MAP3K15: variants seen among roughly 807,000 people sequenced by gnomAD.
MAP3K15 encodes the protein mitogen-activated protein kinase kinase kinase 15, also known as MAPK/ERK kinase kinase 15.
A neutral mutation model predicts 99.5 loss-of-function variants in MAP3K15; 124 were observed. That is an observed-to-expected ratio of 1.25 (90% CI 1.08 to 1.45). The LOEUF is 1.45. Among genes scored for constraint, MAP3K15 ranks in the 40% most tolerant of loss-of-function variants. The probability of loss-of-function intolerance (pLI) is 0.00; values close to 1 mark genes in which losing one functional copy is unlikely to be tolerated. For missense variants in MAP3K15, 1,242 were observed against 1,079.7 expected, an observed-to-expected ratio of 1.15 and a Z score of -2.11; for synonymous variants, 494 against 439.6, an observed-to-expected ratio of 1.12 and a Z score of -1.55.
At chrX:19,429,788 G>GGAAGC (rs1323484753) in intron 7 of MAP3K15, among the ~76,000 whole-genome samples, 1 of 75,324 alleles carries the variant, frequency 1.3e-5, no homozygotes, top group African/African-American at 8.4e-5. Flanking sequence ...GAGAGAGAGA[G>GGAAGC]AGAGAGAGAG....
At chrX:19,447,991 G>A (rs974747582) in intron 6 of MAP3K15, among the ~76,000 whole-genome samples, 1 of 105,819 alleles carries the variant, frequency 9.5e-6, no homozygotes, top group African/African-American at 3.4e-5. Flanking sequence ...AGGGATGAAC[G>A]CATGTGAAGT....
At chrX:19,373,249 G>T in intron 21 of MAP3K15, 1 of 258,618 alleles carries the variant, frequency 3.9e-6, no homozygotes, top group Non-Finnish European at 6.6e-6. Context: ...GAGAGAGGGG[G>T]AAGAGGAGAG....
At chrX:19,486,413 G>T in intron 3 of MAP3K15, 69 bp downstream of exon 3, 1 of 483,236 alleles carries the variant, frequency 2.1e-6, no homozygotes, top group Non-Finnish European at 3.1e-6. Context: ...CGATTTTCAG[G>T]CAAGCATTTT....
intron 1 of MAP3K15, among the ~76,000 whole-genome samples, chrX:19,498,053 C>T (rs1569244049): frequency 8.9e-6 from 1 of 111,854 alleles, no homozygotes; most frequent in African/African-American, 3.3e-5. Context: ...AGAATATATA[C>T]TAACAAGTGA....
intron 25 of MAP3K15, among the ~76,000 whole-genome samples, chrX:19,368,602 G>C (rs973496453): frequency 2.7e-5 from 3 of 112,245 alleles, no homozygotes; most frequent in Admixed American, 1.9e-4. Context: ...AATGACAACA[G>C]GACAAACTTC....
At chrX:19,422,952 C>G (rs973636023) in intron 9 of MAP3K15, among the ~76,000 whole-genome samples, 1 of 105,866 alleles carries the variant, frequency 9.4e-6, no homozygotes, top group African/African-American at 3.5e-5. Flanking sequence ...ACCACATGTT[C>G]TCACTCATAG....
chrX:19,439,765 G>A (rs941952727), intron 6 of MAP3K15, among the ~76,000 whole-genome samples: 3 of 112,180 alleles, frequency 2.7e-5, no homozygotes, highest in African/African-American at 6.5e-5. Context: ...CACAGTGCCC[G>A]GCCTATGGTA....
chrX:19,381,795 C>T (rs778070494), intron 18 of MAP3K15, among the ~76,000 whole-genome samples: 36 of 111,672 alleles, frequency 3.2e-4, no homozygotes, highest in Non-Finnish European at 6.0e-4. Flanking sequence ...GCAAAGGGGA[C>T]GTGTGTGAAA....
intron 1 of MAP3K15, among the ~76,000 whole-genome samples, chrX:19,501,002 G>A (rs961292940): frequency 1.8e-5 from 2 of 111,902 alleles, no homozygotes; most frequent in South Asian, 3.7e-4. Flanking sequence ...CATAACTAAC[G>A]TGAGGAAAGT....
chrX:19,448,812 G>A (rs1449200201), intron 6 of MAP3K15, among the ~76,000 whole-genome samples: 1 of 109,253 alleles, frequency 9.2e-6, no homozygotes, highest in Non-Finnish European at 1.9e-5. Flanking sequence ...TTCTCTGGTG[G>A]GAAATAGAAG....
chrX:19,382,270 A>C (rs183436838), intron 18 of MAP3K15, among the ~76,000 whole-genome samples: 1,895 of 104,747 alleles, frequency 0.018, 62 homozygotes, highest in African/African-American at 0.065. Flanking sequence ...AAAAAAAAGG[A>C]AAGCAAAGGG....
Position 19,488,297 on chromosome X carries a change from G to A in MAP3K15, c.501+531C>T, listed in dbSNP as rs991420115. On this transcript the variant is annotated intron_variant, in intron 2 of 28. Transcript: ENST00000338883. ...TTTAGAAATTCTCAACCATGATTGA[G>A]TTGTGCAGGAACACACACGTTTTCA... Among the ~76,000 whole-genome samples the A allele has an allele frequency of 3.6e-5, 4 of 112,247 alleles. No individual in the cohort carries two copies. The East Asian group carries it at 1.1e-3, about 31-fold the overall frequency.
chrX:19,417,294 G>C (rs2063744119), intron 9 of MAP3K15, among the ~76,000 whole-genome samples: 1 of 112,437 alleles, frequency 8.9e-6, no homozygotes, highest in South Asian at 3.7e-4. Flanking sequence ...CCCTTTCCTA[G>C]TCAAAGCAAG....
chrX:19,479,531 C>T (rs1234202942), intron 3 of MAP3K15, among the ~76,000 whole-genome samples: 1 of 111,818 alleles, frequency 8.9e-6, no homozygotes, highest in Non-Finnish European at 1.9e-5. Flanking sequence ...AACTCAGCCT[C>T]AGAGTCTGAG....
intron 1 of MAP3K15, among the ~76,000 whole-genome samples, chrX:19,494,086 A>C (rs2064384947): frequency 9.0e-6 from 1 of 111,143 alleles, no homozygotes; most frequent in African/African-American, 3.3e-5. Flanking sequence ...AGGGAAAAAA[A>C]AAACACATAT....
rs1400519506 is a variant in MAP3K15, at chrX:19,464,529, T to G, written c.526-123A>C. The G allele has an allele frequency of 1.4e-5, 7 of 493,349 alleles. No homozygotes were observed. In the Admixed American group the frequency reaches 2.7e-4, roughly 19 times the overall value. 40.7% of individuals were successfully genotyped at this position (493,349 alleles called of 1,213,427 possible). Reference sequence around the variant, plus strand: ...TTGAGGATGAAAACAATTCGTTCAATACGACTATGGATCTATTAGGCACAA... The same window carrying G: ...TTGAGGATGAAAACAATTCGTTCAAGACGACTATGGATCTATTAGGCACAA... On this transcript the variant is annotated intron_variant, in intron 3 of 28. Coordinates refer to ENST00000338883, the MANE Select transcript of MAP3K15 (RefSeq NM_001001671.4).
chrX:19,459,380 A>G (rs191559632), intron 5 of MAP3K15, among the ~76,000 whole-genome samples: 4 of 112,476 alleles, frequency 3.6e-5, no homozygotes, highest in African/African-American at 9.7e-5. Context: ...TGCCTAGTGT[A>G]AAGTTCATAT....
At chrX:19,437,279 C>G (rs137885252) in intron 6 of MAP3K15, among the ~76,000 whole-genome samples, 1 of 111,737 alleles carries the variant, frequency 8.9e-6, no homozygotes, top group Non-Finnish European at 1.9e-5. Context: ...TGATCCTCTG[C>G]GCTGTAAGGC....
intron 1 of MAP3K15, among the ~76,000 whole-genome samples, chrX:19,496,066 ATTTT>A (rs374380661): frequency 0.038 from 3,452 of 91,517 alleles, 142 homozygotes; most frequent in African/African-American, 0.12. Flanking sequence ...CATCACCCCA[ATTTT>A]TTTTTTTTTT....
Sources: gnomAD v4.1 joint callset for allele counts (sites outside exome capture counted in the v4.1 genomes callset) on GRCh38, gnomAD v4.1.1 for gene constraint, MANE v1.5 for transcripts, NCBI Gene and HGNC (gene_info 2026-07-23, HGNC 2026-07-21) for gene names.